ACYP2: variants seen among roughly 807,000 people sequenced by gnomAD.
ACYP2 encodes the protein acylphosphatase 2.
In ACYP2, 12 loss-of-function variants were observed where a neutral mutation model predicts 11.2. That is an observed-to-expected ratio of 1.08 (90% CI 0.69 to 1.74). The LOEUF (loss-of-function observed/expected upper bound fraction) is 1.74, where lower values mean the gene tolerates loss of function less well. Ranked by LOEUF, ACYP2 falls within the 40% of genes most tolerant of loss-of-function variation. ACYP2 has a pLI of 0.00. For synonymous variants in ACYP2, 43 were observed against 32.2 expected, an observed-to-expected ratio of 1.33 and a Z score of -1.13; for missense variants, 134 against 101.9, an observed-to-expected ratio of 1.31 and a Z score of -1.35.
At chr2:54,015,351 A>G (rs1280420137) in intron 2 of ACYP2, among the ~76,000 whole-genome samples, 1 of 151,766 alleles carries the variant, frequency 6.6e-6, no homozygotes, top group Non-Finnish European at 1.5e-5. Flanking sequence ...TCTACTAAAA[A>G]TACAAAATTA....
In ACYP2 at chr2:54,219,970, G is replaced by A. The variant is rs192108217; in HGVS notation, c.404+81222G>A. On this transcript the variant is annotated intron_variant, in intron 6 of 6. Transcript: ENST00000607452. ...TTGGGCAGGCTGGTCTCCAACTCCTGACCTCAGGTGCTCCACTCATCTCAG... is the reference window on the plus strand; with the variant it reads ...TTGGGCAGGCTGGTCTCCAACTCCTAACCTCAGGTGCTCCACTCATCTCAG... Among the ~76,000 whole-genome samples, 488 of 142,710 alleles carry A rather than the reference G, an allele frequency of 3.4e-3. 2 individuals carry two copies. Among genetic ancestry groups the A allele is most frequent in the African/African-American group, 0.011 (436 of 38,546 alleles). 93.6% of individuals were successfully genotyped at this position (142,710 alleles called of 152,430 possible). A position where few individuals can be genotyped will look rare whatever the true frequency, so the allele number is the denominator to read the frequency against.
intron 4 of ACYP2, among the ~76,000 whole-genome samples, chr2:54,092,056 A>G (rs1461939293): frequency 6.6e-6 from 1 of 152,192 alleles, no homozygotes; most frequent in Non-Finnish European, 1.5e-5. Context: ...GCTATAAGGC[A>G]GCTATAGAGG....
At chr2:54,277,276 C>A (rs1273712635) in intron 6 of ACYP2, among the ~76,000 whole-genome samples, 1 of 152,198 alleles carries the variant, frequency 6.6e-6, no homozygotes, top group South Asian at 2.1e-4. Context: ...TCCCTCCTTC[C>A]TTTTCCCTCC....
chr2:54,014,250 CT>C (rs1379731854), intron 2 of ACYP2, among the ~76,000 whole-genome samples: 8 of 151,962 alleles, frequency 5.3e-5, no homozygotes, highest in Non-Finnish European at 7.4e-5. Flanking sequence ...GTTTTCCTTC[CT>C]CTTCATCTCC....
chr2:54,178,448 T>C (rs936822581), intron 6 of ACYP2, among the ~76,000 whole-genome samples: 1 of 152,212 alleles, frequency 6.6e-6, no homozygotes, highest in Admixed American at 6.5e-5. Context: ...TCAAGATGAT[T>C]GGGCTGGCTA....
In ACYP2 at chr2:54,114,517, C is replaced by A. The variant is rs1435378230; in HGVS notation, c.278-20936C>A. Among the ~76,000 whole-genome samples the A allele has an allele frequency of 2.0e-5, 3 of 152,186 alleles. No homozygotes were observed. The East Asian group carries it at 5.8e-4, about 29-fold the overall frequency. On this transcript the variant is annotated intron_variant, in intron 4 of 6. Transcript: ENST00000607452. Reference sequence around the variant, plus strand: ...TGGACAACATGGTGAAACCCCGTCTCCACTAAAAATACAAAAATTAGCTGG... The same window carrying A: ...TGGACAACATGGTGAAACCCCGTCTACACTAAAAATACAAAAATTAGCTGG...
chr2:54,210,550 T>C (rs1375322790), intron 6 of ACYP2, among the ~76,000 whole-genome samples: 1 of 152,230 alleles, frequency 6.6e-6, no homozygotes, highest in Non-Finnish European at 1.5e-5. Context: ...TAGGGGATTA[T>C]AGTAGAAAGA....
At chr2:54,077,334 T>C (rs1278639752) in intron 4 of ACYP2, among the ~76,000 whole-genome samples, 2 of 152,236 alleles carry the variant, frequency 1.3e-5, no homozygotes, top group Non-Finnish European at 1.5e-5. Context: ...ATCTATCCAT[T>C]GTTTGCTTTA....
chr2:54,255,145 G>A, intron 6 of ACYP2: 1 of 1,614,112 alleles, frequency 6.2e-7, no homozygotes, highest in African/African-American at 1.3e-5. Context: ...GAAGGACTGG[G>A]GTCCATGGCC....
chr2:54,198,036 T>TGTATTGTATTGTATTGTATTG (rs1462389697), intron 6 of ACYP2, among the ~76,000 whole-genome samples: 1 of 143,928 alleles, frequency 6.9e-6, no homozygotes, highest in East Asian at 2.0e-4. Flanking sequence ...TGTATTGTAT[T>TGTATTGTATTGTATTGTATTG]TTAAGACAGT....
chr2:54,029,399 C>A (rs56184420), intron 2 of ACYP2, among the ~76,000 whole-genome samples: 80,206 of 151,066 alleles, frequency 0.53, 21,450 homozygotes, highest in East Asian at 0.71. Context: ...TTTTTTTTTC[C>A]GTCCAGAGGT....
chr2:54,002,410 A>G (rs958814750), intron 2 of ACYP2, among the ~76,000 whole-genome samples: 1 of 151,374 alleles, frequency 6.6e-6, no homozygotes, highest in Non-Finnish European at 1.5e-5. Context: ...CGGTGGCACA[A>G]TCTTGGCTCA....
At chr2:54,047,638 G>A (rs939040293) in intron 2 of ACYP2, among the ~76,000 whole-genome samples, 2 of 152,136 alleles carry the variant, frequency 1.3e-5, no homozygotes, top group African/African-American at 2.4e-5. Context: ...CCAAATGGAA[G>A]CATATTTTTC....
At chr2:54,085,913 T>C (rs1310053975) in intron 4 of ACYP2, among the ~76,000 whole-genome samples, 13 of 152,166 alleles carry the variant, frequency 8.5e-5, no homozygotes, top group Admixed American at 7.9e-4. Flanking sequence ...GCCTCTGACC[T>C]CTGGTGACTC....
Position 54,138,610 on chromosome 2 carries a change from T to C in ACYP2, c.295-29T>C, listed in dbSNP as rs1165081232. 4 of 1,570,652 alleles carry C rather than the reference T, an allele frequency of 2.5e-6. No homozygotes were observed. In the South Asian group the frequency reaches 4.5e-5, roughly 18 times the overall value. On this transcript the variant is annotated intron_variant, in intron 5 of 6. Coordinates refer to ENST00000607452, the MANE Select transcript of ACYP2 (RefSeq NM_001320586.2). ...TGAACTCAGACTTTTGATGCTGCAC[T>C]TTATTCTTCTTGTTTTTTCCTGAAA...
chr2:54,055,325 G>C (rs1676083535), intron 3 of ACYP2, among the ~76,000 whole-genome samples: 1 of 151,924 alleles, frequency 6.6e-6, no homozygotes, highest in African/African-American at 2.4e-5. Flanking sequence ...CACCCAGCCT[G>C]GTTTTTCTTA....
intron 6 of ACYP2, among the ~76,000 whole-genome samples, chr2:54,304,244 G>A (rs1404828820): frequency 6.8e-6 from 1 of 146,122 alleles, no homozygotes; most frequent in African/African-American, 2.5e-5. Flanking sequence ...GTGTGTGTGT[G>A]TGTGTAGAGA....
intron 2 of ACYP2, among the ~76,000 whole-genome samples, chr2:54,018,723 A>G (rs1427729697): frequency 6.6e-6 from 1 of 152,160 alleles, no homozygotes; most frequent in East Asian, 1.9e-4. Context: ...AAGCATTTGC[A>G]AAATCAATCG....
At chr2:54,024,554 A>G (rs1674175882) in intron 2 of ACYP2, among the ~76,000 whole-genome samples, 1 of 152,196 alleles carries the variant, frequency 6.6e-6, no homozygotes, top group East Asian at 1.9e-4. Context: ...TATGATTAAA[A>G]CCCTTACAAA....
Sources: gnomAD v4.1 joint callset for allele counts (sites outside exome capture counted in the v4.1 genomes callset) on GRCh38, gnomAD v4.1.1 for gene constraint, MANE v1.5 for transcripts, NCBI Gene and HGNC (gene_info 2026-07-23, HGNC 2026-07-21) for gene names.